MTA1: variants seen among roughly 807,000 people sequenced by gnomAD.
The protein encoded by MTA1 is metastasis-associated protein MTA1.
A neutral mutation model predicts 97.0 loss-of-function variants in MTA1; 15 were observed. That is an observed-to-expected ratio of 0.15 (90% CI 0.10 to 0.24). The LOEUF is 0.24. MTA1 is among the 10% of genes least tolerant of loss of function. MTA1 has a pLI of 1.00. For synonymous variants in MTA1, 435 were observed against 417.5 expected, an observed-to-expected ratio of 1.04 and a Z score of -0.51; for missense variants, 709 against 1,015.1, an observed-to-expected ratio of 0.70 and a Z score of 4.10.
intron 16 of MTA1, 62 bp downstream of exon 16, chr14:105,465,245 C>A: frequency 1.4e-6 from 2 of 1,404,684 alleles, no homozygotes; most frequent in South Asian, 2.7e-5. Flanking sequence ...CTCACCCAAG[C>A]TCATGCACTG....
Position 105,466,427 on chromosome 14 carries a change from G to GGGGCCCCC in MTA1, c.1626_1627insGGGCCCCC (p.Thr543GlyfsTer14). 6.3e-7 allele frequency: 1 copy of GGGGCCCCC among 1,592,106 alleles called. No individual in the cohort carries two copies. Among genetic ancestry groups the GGGGCCCCC allele is most frequent in the Non-Finnish European group, 8.6e-7 (1 of 1,165,320 alleles). On this transcript the variant is annotated frameshift_variant and splice_region_variant, in exon 17 of 21. Coordinates refer to ENST00000331320, the MANE Select transcript of MTA1 (RefSeq NM_004689.4). LOFTEE classifies it high-confidence loss of function. Reference sequence around the variant, plus strand: ...TTCTGCCTGTGTCATTCCCGGCAGAGACCCACCCCCGCCCCCCCAAGCCTG... The same window carrying GGGGCCCCC: ...TTCTGCCTGTGTCATTCCCGGCAGAGGGGCCCCCACCCACCCCCGCCCCCCCAAGCCTG...
At chr14:105,450,007 T>G in intron 4 of MTA1, 51 bp from the exon 5 acceptor site, 1 of 1,611,362 alleles carries the variant, frequency 6.2e-7, no homozygotes, top group East Asian at 2.2e-5. Flanking sequence ...TGGGCCTTGG[T>G]CTGGCAGTGT....
rs587681663 is a variant in MTA1 at position 105,429,340 on chromosome 14, C to T, written c.28+9277C>T. ...TTGCTCTGTCGCCCAGGCTGGAGTG[C>T]GGTGGCACGATCTCGGCTCGCTGCA... On this transcript the variant is annotated intron_variant, in intron 1 of 20. Transcript: ENST00000331320. Among the ~76,000 whole-genome samples, 16 of 152,300 alleles carry T rather than the reference C, an allele frequency of 1.1e-4. No homozygotes were observed. In the South Asian group the frequency reaches 1.4e-3, roughly 14 times the overall value.
At chr14:105,464,589 C>T in intron 14 of MTA1, 22 bp downstream of exon 14, 2 of 1,612,112 alleles carry the variant, frequency 1.2e-6, no homozygotes, top group Non-Finnish European at 1.7e-6. Context: ...GACACCCGCC[C>T]TGCCTGCCAT....
At position 105,441,751 on chromosome 14, in the gene MTA1, G is replaced by A. The variant is rs587725061; in HGVS notation, c.96+3012G>A. ...GGAGCTTGCAGTGAGCCGAGATCCC[G>A]CCACTACACTCCAGCCTGGGCGACA... On this transcript the variant is annotated intron_variant, in intron 2 of 20. Transcript: ENST00000331320. 1.1e-3 allele frequency among the ~76,000 whole-genome samples: 173 copies of A among 152,196 alleles called. No homozygotes were observed. The Middle Eastern group carries it at 0.017, about 15-fold the overall frequency.
chr14:105,458,271 C>T lies in MTA1; in HGVS notation c.552C>T (p.Gly184=), dbSNP rs367785687. ...AAAGGCCACACTTCCTCCCTGTAGG[C>T]GAGGAGGATGGCCGAGACCAGTCCA... The part of the protein sequence containing the change: ...QADITDLLKE[G]EEDGRDQSRL... Residue 184 remains glycine (G), a splice_region_variant and synonymous_variant, in exon 8 of 21, where the codon GGC becomes GGT. Coordinates refer to ENST00000331320, the MANE Select transcript of MTA1 (RefSeq NM_004689.4). 12 of 1,611,482 alleles carry T rather than the reference C, an allele frequency of 7.4e-6. No homozygotes were observed. The highest frequency in any genetic ancestry group is 5.0e-5 in the Admixed American group (3 of 59,994).
intron 1 of MTA1, among the ~76,000 whole-genome samples, chr14:105,426,363 G>C (rs2082012633): frequency 8.7e-6 from 1 of 114,960 alleles, no homozygotes; most frequent in Admixed American, 1.3e-4. Context: ...GACAGAGCGA[G>C]ACTTCGTCTC....
intron 7 of MTA1, 147 bp from the exon 8 acceptor site, chr14:105,458,123 G>A (rs1278463740): frequency 3.7e-5 from 24 of 643,872 alleles, no homozygotes; most frequent in African/African-American, 1.3e-4. Flanking sequence ...AACAGCCTCC[G>A]TCCAGCCTTG....
At position 105,422,521 on chromosome 14, in the gene MTA1, AG is replaced by A. The variant is rs1422293022; in HGVS notation, c.28+2461del. Among the ~76,000 whole-genome samples the A allele has an allele frequency of 3.3e-5, 5 of 152,274 alleles. No individual in the cohort carries two copies. The highest frequency in any genetic ancestry group is 9.6e-5 in the African/African-American group (4 of 41,552). ...GCTTGCTCCTGTGCCCCCCCACCCC[AG>A]GGACCTTGTGTGTAGAGGCACCAAA... On this transcript the variant is annotated intron_variant, in intron 1 of 20. Coordinates refer to ENST00000331320, the MANE Select transcript of MTA1 (RefSeq NM_004689.4). This position sits in a 1 kb window ranked among gnomAD's most constrained non-coding sequence, Gnocchi z 4.3.
At chr14:105,440,235 C>T (rs2082463784) in intron 2 of MTA1, among the ~76,000 whole-genome samples, 1 of 152,254 alleles carries the variant, frequency 6.6e-6, no homozygotes. Flanking sequence ...GGCTGAGCCT[C>T]CTGAGTGCGG....
Position 105,420,440 on chromosome 14 carries a change from T to C in MTA1, c.28+377T>C, listed in dbSNP as rs587727166. On this transcript the variant is annotated intron_variant, in intron 1 of 20. Transcript: ENST00000331320. This position sits in a 1 kb window ranked among gnomAD's most constrained non-coding sequence, Gnocchi z 5.3. ...CCGGCTGCCGGTCTGGGAGCAGGAGTTTTGGGGCTGTGGGGTCTCCCCCGG... is the reference window on the plus strand; with the variant it reads ...CCGGCTGCCGGTCTGGGAGCAGGAGCTTTGGGGCTGTGGGGTCTCCCCCGG... Among the ~76,000 whole-genome samples the C allele has an allele frequency of 5.3e-5, 8 of 150,824 alleles. No homozygotes were observed. Among genetic ancestry groups the C allele is most frequent in the Non-Finnish European group, 1.2e-4 (8 of 67,518 alleles).
At chr14:105,464,222 C>A in intron 13 of MTA1, 75 bp downstream of exon 13, 1 of 1,504,012 alleles carries the variant, frequency 6.6e-7, no homozygotes, top group Non-Finnish European at 9.1e-7. Flanking sequence ...GCCCTGAGGG[C>A]TCCAGCATGG....
rs145989083 is a variant in MTA1 at position 105,463,571 on chromosome 14, C to T, written c.1076+20C>T. ...CAACTAGTAAGTGTGCCCTCACAGCCGTCGTCCTCGTGGCCCCGGGGGCCA... is the reference window on the plus strand; with the variant it reads ...CAACTAGTAAGTGTGCCCTCACAGCTGTCGTCCTCGTGGCCCCGGGGGCCA... On this transcript the variant is annotated intron_variant, in intron 12 of 20. Transcript: ENST00000331320. This position sits in a 1 kb window ranked among gnomAD's most constrained non-coding sequence, Gnocchi z 5.9. The T allele has an allele frequency of 4.4e-4, 715 of 1,612,130 alleles. 3 individuals carry two copies. The African/African-American group carries it at 7.3e-3, about 16-fold the overall frequency.
At position 105,466,431 on chromosome 14, in the gene MTA1, C is replaced by G; in HGVS notation, c.1630C>G (p.His544Asp). 1 of 1,042,098 alleles carries G rather than the reference C, an allele frequency of 9.6e-7. No homozygotes were observed. Among genetic ancestry groups the G allele is most frequent in the Non-Finnish European group, 1.4e-6 (1 of 691,554 alleles). 64.6% of individuals were successfully genotyped at this position (1,042,098 alleles called of 1,614,324 possible). A position where few individuals can be genotyped will look rare whatever the true frequency, so the allele number is the denominator to read the frequency against. Residue 544 changes from histidine to aspartate, a missense_variant, in exon 17 of 21, where the codon CAC becomes GAC. His to Asp is a moderately conservative substitution (Grantham distance 81). Transcript: ENST00000331320. ...GCCTGTGTCATTCCCGGCAGAGACC[C>G]ACCCCCGCCCCCCCAAGCCTGACCC... Reference protein sequence around the residue: ...LEAVLRYLETHPRPPKPDPVK... With the variant: ...LEAVLRYLETDPRPPKPDPVK...
chr14:105,465,390 C>T (rs1487442037), intron 16 of MTA1: 2 of 404,638 alleles, frequency 4.9e-6, no homozygotes, highest in African/African-American at 2.1e-5. Flanking sequence ...CTCCTGGGGT[C>T]GTGATGGGGC....
chr14:105,452,057 G>GT (rs1479905962), intron 6 of MTA1, among the ~76,000 whole-genome samples: 1 of 152,192 alleles, frequency 6.6e-6, no homozygotes, highest in African/African-American at 2.4e-5. Flanking sequence ...CTCCCGAACT[G>GT]TTGGGATTAC....
At chr14:105,454,038 G>A (rs901902429) in intron 6 of MTA1, among the ~76,000 whole-genome samples, 155 bp from the exon 7 acceptor site, 10 of 152,172 alleles carry the variant, frequency 6.6e-5, no homozygotes, top group African/African-American at 2.4e-4. Context: ...GGGAGCTGTG[G>A]GGGCTCCTGC....
At position 105,470,182 on chromosome 14, in the gene MTA1, C is replaced by T. The variant is rs782626895; in HGVS notation, c.2115C>T (p.Pro705=). Residue 705 remains proline, a synonymous_variant, in exon 21 of 21, where the codon CCC becomes CCT. Coordinates refer to ENST00000331320, the MANE Select transcript of MTA1 (RefSeq NM_004689.4). ...ALPPRPPPPA[P]VNDEPIVIED The stretch of plus-strand genomic sequence containing the variant: ...CGCCGCGGCCACCGCCACCTGCGCC[C>T]GTCAACGACGAGCCCATCGTCATCG... 20 of 1,607,480 alleles carry T rather than the reference C, an allele frequency of 1.2e-5. No homozygotes were observed. The Admixed American group carries it at 2.0e-4, about 16-fold the overall frequency.
intron 19 of MTA1, 55 bp from the exon 20 acceptor site, chr14:105,469,786 G>T: frequency 3.8e-6 from 6 of 1,563,278 alleles, no homozygotes; most frequent in Non-Finnish European, 4.3e-6. Flanking sequence ...AGCCCTGCAG[G>T]TTGAGGTGGA....
Sources: gnomAD v4.1 joint callset for allele counts (sites outside exome capture counted in the v4.1 genomes callset) on GRCh38, gnomAD v4.1.1 for gene constraint, Gnocchi (gnomAD v3.1) non-coding constraint, MANE v1.5 for transcripts, NCBI Gene and HGNC (gene_info 2026-07-23, HGNC 2026-07-21) for gene names.